The following ANKS1B variants were observed in gnomAD, a reference collection of about 807,000 sequenced individuals.
ANKS1B encodes ankyrin repeat and sterile alpha motif domain-containing protein 1B.
In ANKS1B, 36 loss-of-function variants were observed where a neutral mutation model predicts 148.3. That is an observed-to-expected ratio of 0.24 (90% CI 0.19 to 0.32). The LOEUF (loss-of-function observed/expected upper bound fraction) is 0.32, where lower values mean the gene tolerates loss of function less well. ANKS1B is among the 10% of genes least tolerant of loss of function. The pLI, the probability that ANKS1B is intolerant of heterozygous loss-of-function variation, is 1.00. For missense variants in ANKS1B, 1,157 were observed against 1,542.6 expected, an observed-to-expected ratio of 0.75 and a Z score of 4.19; for synonymous variants, 542 against 560.8, an observed-to-expected ratio of 0.97 and a Z score of 0.47.
chr12:99,060,708 T>TAG (rs34719507), intron 16 of ANKS1B, among the ~76,000 whole-genome samples: 1 of 140,886 alleles, frequency 7.1e-6, no homozygotes, highest in Non-Finnish European at 1.5e-5. Flanking sequence ...CACATATATA[T>TAG]AGAGAGAGAG....
intron 8 of ANKS1B, among the ~76,000 whole-genome samples, chr12:99,718,191 C>T (rs978808061): frequency 2.6e-5 from 4 of 152,082 alleles, no homozygotes; most frequent in Non-Finnish European, 5.9e-5. Flanking sequence ...TGAGCCACCG[C>T]GCCCAGCCGA....
chr12:99,558,483 G>A (rs966709917), intron 9 of ANKS1B, among the ~76,000 whole-genome samples: 5 of 152,150 alleles, frequency 3.3e-5, no homozygotes, highest in African/African-American at 7.2e-5. Context: ...AGTGGTCCAT[G>A]CCTGAGTAAG....
intron 17 of ANKS1B, among the ~76,000 whole-genome samples, chr12:99,031,107 A>G (rs1300292502): frequency 6.6e-6 from 1 of 152,244 alleles, no homozygotes; most frequent in Non-Finnish European, 1.5e-5. Flanking sequence ...GGTGCTACTA[A>G]CGTAAAATGC....
chr12:99,505,970 T>C (rs1382324207), intron 9 of ANKS1B, among the ~76,000 whole-genome samples: 1 of 152,098 alleles, frequency 6.6e-6, no homozygotes, highest in South Asian at 2.1e-4. Context: ...CAGTACATTG[T>C]AGAATATTAG....
At chr12:99,897,421 T>C (rs2153753240) in intron 1 of ANKS1B, among the ~76,000 whole-genome samples, 1 of 151,422 alleles carries the variant, frequency 6.6e-6, no homozygotes, top group Admixed American at 6.6e-5. Flanking sequence ...GTTTTTCACA[T>C]TCTCATTTAA....
chr12:99,677,246 G>A (rs1464004602), intron 8 of ANKS1B, among the ~76,000 whole-genome samples: 1 of 152,222 alleles, frequency 6.6e-6, no homozygotes, highest in Non-Finnish European at 1.5e-5. Context: ...CTCCACAGAG[G>A]TGTGATCAGG....
chr12:99,223,688 G>C (rs908151370), intron 14 of ANKS1B, among the ~76,000 whole-genome samples: 2 of 152,188 alleles, frequency 1.3e-5, no homozygotes, highest in African/African-American at 2.4e-5. Flanking sequence ...GTTGGTACTG[G>C]TCTGTGGTCT....
chr12:98,862,769 A>G (rs936135266), intron 17 of ANKS1B, among the ~76,000 whole-genome samples: 2 of 152,202 alleles, frequency 1.3e-5, no homozygotes, highest in African/African-American at 4.8e-5. Context: ...CTGTACCCAC[A>G]TGCCCCATAA....
rs1274736108 is a variant in ANKS1B, at chr12:99,124,112, A to G, written c.2526+30177T>C. On this transcript the variant is annotated intron_variant, in intron 15 of 26. Coordinates refer to ENST00000683438, the MANE Select transcript of ANKS1B (RefSeq NM_001352186.2). ...GCAGAGTTCTGAGTAAAGGGGTAAT[A>G]TAATCTGACATCTACTTTAGGAAAA... 2.6e-5 allele frequency among the ~76,000 whole-genome samples: 4 copies of G among 152,316 alleles called. 1 individual carries two copies. In the East Asian group the frequency reaches 5.8e-4, roughly 22 times the overall value.
At chr12:99,817,517 T>G (rs200330955) in intron 2 of ANKS1B, among the ~76,000 whole-genome samples, 1 of 145,388 alleles carries the variant, frequency 6.9e-6, no homozygotes, top group African/African-American at 2.5e-5. Context: ...TTTTTTTTTT[T>G]GGATATGTAC....
chr12:99,273,342 C>T (rs1239440560), intron 12 of ANKS1B, among the ~76,000 whole-genome samples: 2 of 152,166 alleles, frequency 1.3e-5, no homozygotes, highest in African/African-American at 4.8e-5. Context: ...TATCTAAAAA[C>T]ATTGTGGGAT....
chr12:98,873,017 G>A (rs1251782158), intron 17 of ANKS1B, among the ~76,000 whole-genome samples: 1 of 152,178 alleles, frequency 6.6e-6, no homozygotes, highest in African/African-American at 2.4e-5. Context: ...GATCCATCTT[G>A]TAAGACTATA....
chr12:99,509,657 A>G (rs992693681), intron 9 of ANKS1B, among the ~76,000 whole-genome samples: 5 of 152,042 alleles, frequency 3.3e-5, no homozygotes, highest in Non-Finnish European at 7.4e-5. Context: ...TCCATAACAT[A>G]AAAGTGCAAG....
intron 12 of ANKS1B, among the ~76,000 whole-genome samples, chr12:99,398,413 T>G (rs887071396): frequency 6.6e-6 from 1 of 152,262 alleles, no homozygotes; most frequent in East Asian, 1.9e-4. Flanking sequence ...AATACTCACA[T>G]AGACCACACT....
intron 1 of ANKS1B, among the ~76,000 whole-genome samples, chr12:99,834,643 G>A (rs2084539482): frequency 6.6e-6 from 1 of 152,138 alleles, no homozygotes. Flanking sequence ...ATAAGCCTGA[G>A]TTTCTTAGGC....
intron 9 of ANKS1B, among the ~76,000 whole-genome samples, chr12:99,615,085 T>C (rs886305892): frequency 6.6e-6 from 1 of 152,104 alleles, no homozygotes; most frequent in African/African-American, 2.4e-5. Flanking sequence ...ATGGGAAATT[T>C]TGAAAAATGC....
intron 12 of ANKS1B, among the ~76,000 whole-genome samples, chr12:99,372,259 T>A (rs961576409): frequency 6.6e-6 from 1 of 151,872 alleles, no homozygotes; most frequent in Non-Finnish European, 1.5e-5. Context: ...CTCTGTACCT[T>A]CCACTCAATT....
intron 15 of ANKS1B, among the ~76,000 whole-genome samples, chr12:99,123,981 C>G (rs921271337): frequency 6.6e-6 from 1 of 152,142 alleles, no homozygotes; most frequent in African/African-American, 2.4e-5. Flanking sequence ...AAGGGAAGAA[C>G]AGAAGGTGAT....
At chr12:99,289,695 T>C (rs1005075394) in intron 12 of ANKS1B, among the ~76,000 whole-genome samples, 5 of 151,912 alleles carry the variant, frequency 3.3e-5, no homozygotes, top group African/African-American at 1.2e-4. Context: ...GACATTAAAA[T>C]AAAATTTTCA....
Sources: gnomAD v4.1 joint callset for allele counts (sites outside exome capture counted in the v4.1 genomes callset) on GRCh38, gnomAD v4.1.1 for gene constraint, MANE v1.5 for transcripts, NCBI Gene and HGNC (gene_info 2026-07-23, HGNC 2026-07-21) for gene names.